OSBPL10: variants seen among roughly 807,000 people sequenced by gnomAD.
The protein encoded by OSBPL10 is oxysterol binding protein like 10.
A neutral mutation model predicts 81.7 loss-of-function variants in OSBPL10; 49 were observed. The ratio of observed to expected loss-of-function variants is 0.60; its 90% CI spans 0.48 to 0.76. OSBPL10 has a LOEUF of 0.76. OSBPL10 is among the 30% of genes least tolerant of loss of function. The pLI is 0.00. For missense variants in OSBPL10, 923 were observed against 987.8 expected, an observed-to-expected ratio of 0.93 and a Z score of 0.88; for synonymous variants, 419 against 383.6, an observed-to-expected ratio of 1.09 and a Z score of -1.08.
intron 6 of OSBPL10, among the ~76,000 whole-genome samples, chr3:31,717,448 TAAC>T (rs1022339922): frequency 3.3e-5 from 5 of 152,134 alleles, no homozygotes; most frequent in Non-Finnish European, 7.4e-5. Flanking sequence ...CTGTAAATAT[TAAC>T]AAACCAAGAA....
intron 4 of OSBPL10, among the ~76,000 whole-genome samples, chr3:31,802,333 A>G (rs1017204107): frequency 8.6e-5 from 13 of 151,418 alleles, no homozygotes; most frequent in Non-Finnish European, 1.6e-4. Context: ...CAAGGCGGAC[A>G]GATCATCTGA....
intron 2 of OSBPL10, among the ~76,000 whole-genome samples, chr3:32,018,020 C>T (rs375233437): frequency 3.2e-4 from 48 of 151,852 alleles, no homozygotes; most frequent in Admixed American, 1.6e-3. Flanking sequence ...TGGTGGCGGG[C>T]GCCTGTAATC....
intron 6 of OSBPL10, 161 bp downstream of exon 6, chr3:31,733,096 G>A (rs566350893): frequency 8.2e-5 from 73 of 893,030 alleles, no homozygotes; most frequent in South Asian, 4.0e-4. Context: ...GAGAAGTGCC[G>A]GGCATGCACA....
chr3:31,680,050 A>C (rs2125538837), intron 8 of OSBPL10, among the ~76,000 whole-genome samples: 1 of 152,186 alleles, frequency 6.6e-6, no homozygotes, highest in East Asian at 1.9e-4. Context: ...GCTTTAACCC[A>C]AACAGTGCTG....
chr3:32,000,219 C>G (rs1384735621), intron 2 of OSBPL10, among the ~76,000 whole-genome samples: 1 of 152,184 alleles, frequency 6.6e-6, no homozygotes, highest in Admixed American at 6.5e-5. Flanking sequence ...CATAATTTCA[C>G]TGTAGCATGG....
intron 4 of OSBPL10, among the ~76,000 whole-genome samples, chr3:31,779,051 A>G (rs1328856478): frequency 6.6e-6 from 1 of 152,214 alleles, no homozygotes; most frequent in East Asian, 1.9e-4. Flanking sequence ...CAGCACTACA[A>G]AAAATGCTAA....
intron 2 of OSBPL10, among the ~76,000 whole-genome samples, chr3:32,004,422 C>T (rs771692798): frequency 1.1e-4 from 16 of 152,196 alleles, no homozygotes; most frequent in Non-Finnish European, 1.5e-5. Flanking sequence ...ACCTGACTCC[C>T]TTGCCCAGAT....
intron 1 of OSBPL10, among the ~76,000 whole-genome samples, chr3:32,054,021 A>G (rs1699688623): frequency 6.6e-6 from 1 of 152,236 alleles, no homozygotes; most frequent in African/African-American, 2.4e-5. Context: ...TGACTTTTGA[A>G]TAAGCTACAG....
chr3:31,684,002 T>C lies in OSBPL10; in HGVS notation c.1358A>G (p.Glu453Gly). The C allele has an allele frequency of 1.2e-6, 2 of 1,614,138 alleles. No homozygotes were observed. The highest frequency in any genetic ancestry group is 1.7e-6 in the Non-Finnish European group (2 of 1,180,026). The change falls in exon 8 of 12, where the codon GAG (glutamate) becomes GGG (glycine). Residue 453 changes from glutamate to glycine, a missense_variant. Coordinates refer to ENST00000396556, the MANE Select transcript of OSBPL10 (RefSeq NM_017784.5). ...ATACTCAACGAAGCAAATGACTCTC[T>C]CCTCTGGTGTGGCCCCAGCGGTGAT... ...LAITAGATPE[E>G]RVICFVEYYL...
At chr3:31,731,290 C>T (rs1391110334) in intron 6 of OSBPL10, among the ~76,000 whole-genome samples, 2 of 152,012 alleles carry the variant, frequency 1.3e-5, no homozygotes, top group Non-Finnish European at 2.9e-5. Context: ...AACACCAAAA[C>T]ACCATTCTAC....
chr3:31,684,078 A>C lies in OSBPL10; in HGVS notation c.1282T>G (p.Leu428Val), dbSNP rs748964322. 2 of 1,614,050 alleles carry C rather than the reference A, an allele frequency of 1.2e-6. No individual in the cohort carries two copies. Among genetic ancestry groups the C allele is most frequent in the African/African-American group, 1.3e-5 (1 of 74,930 alleles). ...ATGAAATCTGCATACATCTCCAGCA[A>C]AGATCGCTTCTCCAGGATAAAGGTG... ...LPTFILEKRS[L>V]LEMYADFMAH... Residue 428 changes from leucine (L) to valine (V), a missense_variant, in exon 8 of 12, where the codon TTG becomes GTG. Leu to Val is a conservative substitution (Grantham distance 32, BLOSUM62 1). Coordinates refer to ENST00000396556, the MANE Select transcript of OSBPL10 (RefSeq NM_017784.5).
chr3:31,740,235 G>T (rs944766803), intron 5 of OSBPL10, among the ~76,000 whole-genome samples: 1 of 151,862 alleles, frequency 6.6e-6, no homozygotes, highest in Non-Finnish European at 1.5e-5. Context: ...TGGAGAGATG[G>T]GTTTCACCAT....
At chr3:32,008,581 CA>C (rs200385884) in intron 2 of OSBPL10, among the ~76,000 whole-genome samples, 3 of 147,426 alleles carry the variant, frequency 2.0e-5, no homozygotes, top group African/African-American at 5.0e-5. Context: ...AAAAAAAAGA[CA>C]AAAAAAAACC....
chr3:31,909,663 C>A (rs1260280900), intron 1 of OSBPL10, among the ~76,000 whole-genome samples: 1 of 152,142 alleles, frequency 6.6e-6, no homozygotes, highest in Non-Finnish European at 1.5e-5. Flanking sequence ...TCACTTCCCT[C>A]CATTTCAGAT....
chr3:31,847,015 C>A (rs1028039412), intron 3 of OSBPL10, among the ~76,000 whole-genome samples: 1 of 152,068 alleles, frequency 6.6e-6, no homozygotes, highest in Non-Finnish European at 1.5e-5. Context: ...AGAAGAATCA[C>A]AAATGTCCAC....
At chr3:32,008,177 A>ATTTTT (rs58417694) in intron 2 of OSBPL10, among the ~76,000 whole-genome samples, 22 of 142,420 alleles carry the variant, frequency 1.5e-4, no homozygotes, top group African/African-American at 5.7e-4. Flanking sequence ...TGTTTTTATC[A>ATTTTT]TTTTTTTTTT....
chr3:31,928,762 C>CAAAAAAAA lies in OSBPL10; in HGVS notation c.282-48940_282-48933dup, dbSNP rs58345341. Among the ~76,000 whole-genome samples the CAAAAAAAA allele has an allele frequency of 2.1e-4, 20 of 95,094 alleles. 1 individual carries two copies. The highest frequency in any genetic ancestry group is 5.5e-4 in the African/African-American group (17 of 30,868). The allele number at this position is 95,094 out of a possible 152,430, so 62.4% of individuals were successfully genotyped here. A position where few individuals can be genotyped will look rare whatever the true frequency, so the allele number is the denominator to read the frequency against. Reference sequence around the variant, plus strand: ...TCTGGGCGACAGTGAGACTTGTCTCCAAAAAAAAAAAAAAAAAAAGAATGC... The same window carrying CAAAAAAAA: ...TCTGGGCGACAGTGAGACTTGTCTCCAAAAAAAAAAAAAAAAAAAAAAAAAAAGAATGC... On this transcript the variant is annotated intron_variant, in intron 1 of 11. Transcript: ENST00000396556.
chr3:32,058,222 T>C (rs1434580676), intron 1 of OSBPL10, among the ~76,000 whole-genome samples: 1 of 152,160 alleles, frequency 6.6e-6, no homozygotes, highest in Admixed American at 6.6e-5. Context: ...ATTTGAAAAA[T>C]AGATAGAGGG....
At chr3:32,050,423 GAAC>G (rs1393348629) in intron 1 of OSBPL10, among the ~76,000 whole-genome samples, 1 of 152,150 alleles carries the variant, frequency 6.6e-6, no homozygotes, top group African/African-American at 2.4e-5. Flanking sequence ...TCTCCTCCAT[GAAC>G]AACTTCTAAC....
Sources: gnomAD v4.1 joint callset for allele counts (sites outside exome capture counted in the v4.1 genomes callset) on GRCh38, gnomAD v4.1.1 for gene constraint, MANE v1.5 for transcripts, NCBI Gene and HGNC (gene_info 2026-07-23, HGNC 2026-07-21) for gene names.